Variants in NKAIN3 observed in about 807,000 individuals in gnomAD.
NKAIN3 encodes the protein sodium/potassium-transporting ATPase subunit beta-1-interacting protein 3.
Under a neutral mutation model 30.2 loss-of-function variants are expected in NKAIN3, and 25 were observed. The ratio of observed to expected loss-of-function variants is 0.83; its 90% CI spans 0.60 to 1.16. The LOEUF (loss-of-function observed/expected upper bound fraction) is 1.16, where lower values mean the gene tolerates loss of function less well. Ranked by LOEUF, NKAIN3 falls within the 50% of genes most tolerant of loss-of-function variation. The pLI is 0.00. For missense variants in NKAIN3, 225 were observed against 254.1 expected (o/e 0.89, Z 0.78); for synonymous variants, 91 against 89.6 (o/e 1.02, Z -0.09).
At chr8:62,747,179 C>A in intron 4 of NKAIN3, 50 bp downstream of exon 4, 1 of 1,261,068 alleles carries the variant, frequency 7.9e-7, no homozygotes, top group South Asian at 1.4e-5. Context: ...TCTTTGCTGG[C>A]ATTTTTTTCT....
chr8:62,855,768 A>G (rs1309665108), intron 4 of NKAIN3: 3 of 1,155,052 alleles, frequency 2.6e-6, no homozygotes, highest in Non-Finnish European at 3.9e-6. Context: ...ACTTTCAGTA[A>G]AGGGCATCTT....
intron 1 of NKAIN3, among the ~76,000 whole-genome samples, chr8:62,533,259 G>A (rs747139133): frequency 1.4e-4 from 21 of 152,154 alleles, no homozygotes; most frequent in Non-Finnish European, 2.4e-4. Flanking sequence ...GTATCTCGAG[G>A]GGACACATGT....
downstream of NKAIN3, among the ~76,000 whole-genome samples, chr8:62,988,674 T>C (rs141799719): frequency 6.6e-6 from 1 of 152,364 alleles, no homozygotes; most frequent in East Asian, 1.9e-4. Context: ...GGAAACCATT[T>C]GTTCCTTCTA....
Position 62,976,822 on chromosome 8 carries a change from G to C in NKAIN3, c.*11415G>C, listed in dbSNP as rs993016554. Among the ~76,000 whole-genome samples, 5 of 152,140 alleles carry C rather than the reference G, an allele frequency of 3.3e-5. No homozygotes were observed. Among genetic ancestry groups the C allele is most frequent in the African/African-American group, 1.2e-4 (5 of 41,436 alleles). On this transcript the variant is annotated 3_prime_UTR_variant, in exon 7 of 7. Transcript: ENST00000623646. Reference sequence around the variant, plus strand: ...GAATGTTTTTGCAGTGGCTGGTACTGGTTGTTCCTTTCCATATTTAGTACT... The same window carrying C: ...GAATGTTTTTGCAGTGGCTGGTACTCGTTGTTCCTTTCCATATTTAGTACT...
intron 4 of NKAIN3, among the ~76,000 whole-genome samples, chr8:62,832,546 G>A (rs1440289053): frequency 6.8e-6 from 1 of 147,254 alleles, no homozygotes; most frequent in Non-Finnish European, 1.5e-5. Flanking sequence ...AAAGTAAAAG[G>A]TTGGAGTAAA....
chr8:62,527,218 C>T (rs939283670), intron 1 of NKAIN3, among the ~76,000 whole-genome samples: 15 of 152,172 alleles, frequency 9.9e-5, no homozygotes, highest in Non-Finnish European at 4.4e-5. Context: ...AACGACTCAA[C>T]ATTTCAGTCA....
At chr8:62,448,224 G>C (rs1374562889) in intron 1 of NKAIN3, among the ~76,000 whole-genome samples, 2 of 151,746 alleles carry the variant, frequency 1.3e-5, no homozygotes, top group Non-Finnish European at 2.9e-5. Flanking sequence ...AAGCAAATTA[G>C]TGTTTCCGCA....
At chr8:62,297,575 C>T (rs1294668259) in intron 1 of NKAIN3, among the ~76,000 whole-genome samples, 1 of 151,756 alleles carries the variant, frequency 6.6e-6, no homozygotes, top group Non-Finnish European at 1.5e-5. Context: ...TGAAAAAATG[C>T]TCACCATCAC....
At position 62,559,677 on chromosome 8, in the gene NKAIN3, T is replaced by C. The variant is rs186103516; in HGVS notation, c.55-19862T>C. Among the ~76,000 whole-genome samples, 19 of 152,234 alleles carry C rather than the reference T, an allele frequency of 1.2e-4. 1 individual carries two copies. The highest frequency in any genetic ancestry group is 3.4e-3 in the Middle Eastern group (1 of 294). Reference sequence around the variant, plus strand: ...TTTCAGGGATAGTATAAATACCTTATGTTTCTTTACATCTCTTTGCTTCCT... The same window carrying C: ...TTTCAGGGATAGTATAAATACCTTACGTTTCTTTACATCTCTTTGCTTCCT... On this transcript the variant is annotated intron_variant, in intron 1 of 6. Coordinates refer to ENST00000623646, the MANE Select transcript of NKAIN3 (RefSeq NM_001304533.3).
intron 4 of NKAIN3, among the ~76,000 whole-genome samples, chr8:62,805,018 T>C (rs1014038734): frequency 2.6e-5 from 4 of 151,908 alleles, no homozygotes; most frequent in African/African-American, 9.7e-5. Context: ...CAGACAAACA[T>C]AGAGCCAAAT....
intron 1 of NKAIN3, among the ~76,000 whole-genome samples, chr8:62,384,480 ATAAC>A (rs1440336807): frequency 1.1e-4 from 16 of 152,296 alleles, no homozygotes; most frequent in Non-Finnish European, 1.5e-4. Flanking sequence ...CATTCACAGC[ATAAC>A]TAACTTTTTC....
At chr8:62,443,503 C>T (rs533831120) in intron 1 of NKAIN3, among the ~76,000 whole-genome samples, 1 of 152,092 alleles carries the variant, frequency 6.6e-6, no homozygotes. Flanking sequence ...CCTGCCTCAG[C>T]CTCCCGAGTA....
intron 1 of NKAIN3, among the ~76,000 whole-genome samples, chr8:62,276,786 T>C (rs1812978720): frequency 6.6e-6 from 1 of 152,242 alleles, no homozygotes; most frequent in Non-Finnish European, 1.5e-5. Context: ...TAATTGTCAA[T>C]ACATTTTTTG....
At chr8:62,468,629 C>A (rs773271386) in intron 1 of NKAIN3, among the ~76,000 whole-genome samples, 3 of 152,130 alleles carry the variant, frequency 2.0e-5, no homozygotes, top group Non-Finnish European at 4.4e-5. Context: ...TCAGTGAAAG[C>A]CATTTGCTAA....
At chr8:62,272,129 TG>T (rs1812795801) in intron 1 of NKAIN3, among the ~76,000 whole-genome samples, 1 of 152,202 alleles carries the variant, frequency 6.6e-6, no homozygotes, top group South Asian at 2.1e-4. Context: ...AGGGAATAAG[TG>T]GATAGAATTT....
In NKAIN3 at chr8:62,972,089, T is replaced by C. The variant is rs1283719444; in HGVS notation, c.*6682T>C. Among the ~76,000 whole-genome samples, 3 of 152,200 alleles carry C rather than the reference T, an allele frequency of 2.0e-5. No individual in the cohort carries two copies. Among genetic ancestry groups the C allele is most frequent in the Non-Finnish European group, 4.4e-5 (3 of 68,038 alleles). ...TGGCTATTTTATTTTGGTAGGGCCT[T>C]CTCTTCTGAATTGATTGGTAGTGTT... On this transcript the variant is annotated 3_prime_UTR_variant, in exon 7 of 7. Transcript: ENST00000623646.
chr8:62,268,993 A>C (rs535218347), intron 1 of NKAIN3, among the ~76,000 whole-genome samples: 1 of 152,158 alleles, frequency 6.6e-6, no homozygotes, highest in Non-Finnish European at 1.5e-5. Context: ...TTAGCTCACT[A>C]AAATGTGACC....
intron 4 of NKAIN3, among the ~76,000 whole-genome samples, chr8:62,860,087 G>A (rs753521783): frequency 6.6e-6 from 1 of 152,200 alleles, no homozygotes; most frequent in African/African-American, 2.4e-5. Context: ...GCTTGGATAG[G>A]TGGGTAATAG....
At chr8:62,820,765 G>A (rs1468971466) in intron 4 of NKAIN3, among the ~76,000 whole-genome samples, 1 of 152,132 alleles carries the variant, frequency 6.6e-6, no homozygotes, top group African/African-American at 2.4e-5. Context: ...TAAGTGAGAT[G>A]AAGCTTGATT....
Sources: gnomAD v4.1 joint callset for allele counts (sites outside exome capture counted in the v4.1 genomes callset) on GRCh38, gnomAD v4.1.1 for gene constraint, MANE v1.5 for transcripts, NCBI Gene and HGNC (gene_info 2026-07-23, HGNC 2026-07-21) for gene names.